The following DPP7 variants were observed in gnomAD, a reference collection of about 807,000 sequenced individuals.
DPP7 encodes dipeptidyl peptidase 7.
In DPP7, 74 loss-of-function variants were observed where a neutral mutation model predicts 58.8. The ratio of observed to expected loss-of-function variants is 1.26; its 90% CI spans 1.04 to 1.53. The LOEUF is 1.53. Ranked by LOEUF, DPP7 falls within the 40% of genes most tolerant of loss-of-function variation. The pLI, the probability that DPP7 is intolerant of heterozygous loss-of-function variation, is 0.00. For missense variants in DPP7, 807 were observed against 692.3 expected (o/e 1.17, Z -1.86); for synonymous variants, 350 against 303.6 (o/e 1.15, Z -1.59).
chr9:137,113,148 T>C, intron 6 of DPP7, 29 bp from the exon 7 acceptor site: 2 of 1,613,704 alleles, frequency 1.2e-6, no homozygotes, highest in South Asian at 1.1e-5. Context: ...GACTTGAAGT[T>C]TGGGCATAGC....
Position 137,110,654 on chromosome 9 carries a change from G to A in DPP7, c.1473C>T (p.Ser491=). Residue 491 remains serine (S), a synonymous_variant, in exon 13 of 13, where the codon AGC becomes AGT. Transcript: ENST00000371579. The part of the protein sequence containing the change: ...QPALRGGPRL[S]L Reference sequence around the variant, plus strand: ...GACCCCTCCAGTCCTGTGCTCAGAGGCTGAGTCTGGGCCCCCCACGCAGAG... The same window carrying A: ...GACCCCTCCAGTCCTGTGCTCAGAGACTGAGTCTGGGCCCCCCACGCAGAG... 1 of 1,609,440 alleles carries A rather than the reference G, an allele frequency of 6.2e-7. No individual in the cohort carries two copies. Among genetic ancestry groups the A allele is most frequent in the Non-Finnish European group, 8.5e-7 (1 of 1,179,876 alleles).
At position 137,114,367 on chromosome 9, in the gene DPP7, C is replaced by G; in HGVS notation, c.197G>C (p.Arg66Pro). Residue 66 changes from arginine (R) to proline (P), a missense_variant, in exon 3 of 13, where the codon CGG becomes CCG. Transcript: ENST00000371579. ...RFLVSDRFWV[R>P]GEGPIFFYTG... ...GTAGAAGAAGATGGGCCCCTCGCCC[C>G]GGACCCAGAACCTGTCTGTGGGGAG... 4 of 1,603,610 alleles carry G rather than the reference C, an allele frequency of 2.5e-6. No individual in the cohort carries two copies. Among genetic ancestry groups the G allele is most frequent in the Non-Finnish European group, 3.4e-6 (4 of 1,176,162 alleles).
rs1478175467 is a variant in DPP7, at chr9:137,113,027, A to G, written c.796T>C (p.Phe266Leu). Residue 266 changes from phenylalanine (F) to leucine (L), a missense_variant, in exon 7 of 13, where the codon TTC becomes CTC. By Grantham distance (22) the Phe-to-Leu change is conservative. Coordinates refer to ENST00000371579, the MANE Select transcript of DPP7 (RefSeq NM_013379.3). ...TAGTCCATCATGGCCAGCACGGTGA[A>G]GGCATTCCGGGCGAACATGAAGAGC... ...TQLFMFARNAFTVLAMMDYPY... is the reference protein window; with the variant it reads ...TQLFMFARNALTVLAMMDYPY... The G allele has an allele frequency of 2.7e-5, 43 of 1,613,684 alleles. No individual in the cohort carries two copies. Among genetic ancestry groups the G allele is most frequent in the Non-Finnish European group, 3.6e-5 (43 of 1,180,002 alleles).
chr9:137,111,819 G>T (rs1371385340), intron 10 of DPP7, 54 bp downstream of exon 10: 2 of 1,613,120 alleles, frequency 1.2e-6, no homozygotes, highest in Non-Finnish European at 1.7e-6. Context: ...TGGGCAGGGG[G>T]TGCAGAGCTC....
In DPP7 at chr9:137,112,039, C is replaced by T. The variant is rs10870180; in HGVS notation, c.1051-10G>A. ...TGATCTCGGTGCAGGCCTGCAGGTG[C>T]CCCAGCCTGAGTCAGGCCAGCCCAC... On this transcript the variant is annotated splice_polypyrimidine_tract_variant and intron_variant, in intron 9 of 12. Transcript: ENST00000371579. 0.33 allele frequency: 531,120 copies of T among 1,612,478 alleles called. 94,408 individuals are homozygous for T. Among genetic ancestry groups the T allele is most frequent in the Non-Finnish European group, 0.37 (437,903 of 1,179,442 alleles).
chr9:137,114,448 G>A lies in DPP7; in HGVS notation c.181+15C>T. The A allele has an allele frequency of 6.4e-7, 1 of 1,558,976 alleles. No homozygotes were observed. The highest frequency in any genetic ancestry group is 8.7e-7 in the Non-Finnish European group (1 of 1,152,332). ...CGGGACGGCGGGGGCGGCCGGGCCG[G>A]GGCCGGGGTCTCACCCGACACCAGG... On this transcript the variant is annotated intron_variant, in intron 2 of 12. Coordinates refer to ENST00000371579, the MANE Select transcript of DPP7 (RefSeq NM_013379.3).
At position 137,112,116 on chromosome 9, in the gene DPP7, T is replaced by TC; in HGVS notation, c.1045_1046insG (p.Tyr349Ter). The change falls in exon 9 of 13, where the codon TAC becomes TGAC. Residue 349 changes from tyrosine to a stop codon, truncating the protein, a stop_gained and frameshift_variant. Transcript: ENST00000371579. LOFTEE classifies it high-confidence loss of function. ...GTGPDARAWD[Y>*]QACTEINLTF... is the part of the protein sequence containing the mutation. ...AGGCCACCCACACCCCCACACCTGGTAGTCCCAGGCCCTGGCGTCGGGGCC... is the reference window on the plus strand; with the variant it reads ...AGGCCACCCACACCCCCACACCTGGTCAGTCCCAGGCCCTGGCGTCGGGGCC... The TC allele has an allele frequency of 1.2e-6, 2 of 1,611,574 alleles. No homozygotes were observed. The highest frequency in any genetic ancestry group is 1.7e-6 in the Non-Finnish European group (2 of 1,179,488).
At chr9:137,111,000 C>A in intron 11 of DPP7, 50 bp from the exon 12 acceptor site, 1 of 1,577,900 alleles carries the variant, frequency 6.3e-7, no homozygotes, top group South Asian at 1.1e-5. Flanking sequence ...GGCAACTGCC[C>A]AGCCTCCGTG....
At position 137,111,931 on chromosome 9, in the gene DPP7, C is replaced by T; in HGVS notation, c.1149G>A (p.Leu383=). ...FTDELRQRYC[L]DTWGVWPRPD... Reference sequence around the variant, plus strand: ...GCCGGGGCCACACGCCCCAGGTGTCCAGGCAGTACCGCTGGCGGAGCTCGT... The same window carrying T: ...GCCGGGGCCACACGCCCCAGGTGTCTAGGCAGTACCGCTGGCGGAGCTCGT... The change falls in exon 10 of 13, where the codon CTG becomes CTA. Residue 383 remains leucine (L), a synonymous_variant. Coordinates refer to ENST00000371579, the MANE Select transcript of DPP7 (RefSeq NM_013379.3). 16 of 1,613,092 alleles carry T rather than the reference C, an allele frequency of 9.9e-6. No individual in the cohort carries two copies. The highest frequency in any genetic ancestry group is 1.3e-5 in the Non-Finnish European group (15 of 1,179,582).
At chr9:137,115,765 C>T (rs561498138), upstream of DPP7, among the ~76,000 whole-genome samples, 6 of 152,252 alleles carry the variant, frequency 3.9e-5, no homozygotes, top group East Asian at 1.2e-3. Context: ...ACCATCACGT[C>T]ACACTGCAAC....
At chr9:137,116,478 A>C (rs1036205795), upstream of DPP7, among the ~76,000 whole-genome samples, 3 of 152,262 alleles carry the variant, frequency 2.0e-5, no homozygotes, top group African/African-American at 7.2e-5. Context: ...ATGTGTTTGC[A>C]GGCAGTATGC....
At chr9:137,115,865 C>T (rs1410407231), upstream of DPP7, among the ~76,000 whole-genome samples, 4 of 152,292 alleles carry the variant, frequency 2.6e-5, no homozygotes, top group South Asian at 2.1e-4. Context: ...GGGCTGCCTG[C>T]CGGGGCCCCC....
upstream of DPP7, among the ~76,000 whole-genome samples, chr9:137,117,529 G>A (rs1037097290): frequency 7.2e-5 from 11 of 152,148 alleles, no homozygotes; most frequent in Non-Finnish European, 1.5e-4. Flanking sequence ...CCCTCCCCTC[G>A]AGGTCCATCT....
rs780017994 is a variant in DPP7, at chr9:137,112,017, T to A, written c.1063A>T (p.Ile355Phe). The change falls in exon 10 of 13, where the codon ATC becomes TTC. Residue 355 changes from isoleucine to phenylalanine, a missense_variant. Coordinates refer to ENST00000371579, the MANE Select transcript of DPP7 (RefSeq NM_013379.3). ...RAWDYQACTE[I>F]NLTFASNNVT... is the part of the protein sequence containing the mutation. ...TTGTTGCTGGCGAAGGTCAGGTTGA[T>A]CTCGGTGCAGGCCTGCAGGTGCCCC... The A allele has an allele frequency of 6.2e-7, 1 of 1,613,546 alleles. No homozygotes were observed. Among genetic ancestry groups the A allele is most frequent in the Non-Finnish European group, 8.5e-7 (1 of 1,179,806 alleles).
chr9:137,113,905 G>C lies in DPP7; in HGVS notation c.445C>G (p.Leu149Val), dbSNP rs1831503832. ...AELLRALRRD[L>V]GAQDAPAIAF... ...ATGGCGGGGGCATCCTGGGCCCCGA[G>C]GTCGCGTCGTAGCGCGCGGAGCAGC... The change falls in exon 4 of 13, where the codon CTC (leucine) becomes GTC (valine). Residue 149 changes from leucine (L) to valine (V), a missense_variant. Around this residue, in one of 3 missense-constraint regions of DPP7, gnomAD observed 624 missense variants for 531.2 expected, o/e 1.17. Coordinates refer to ENST00000371579, the MANE Select transcript of DPP7 (RefSeq NM_013379.3). 5.1e-6 allele frequency: 8 copies of C among 1,572,470 alleles called. No individual in the cohort carries two copies. Among genetic ancestry groups the C allele is most frequent in the Admixed American group, 1.7e-5 (1 of 57,746 alleles).
Position 137,113,483 on chromosome 9 carries a change from G to A in DPP7, c.499C>T (p.Leu167Phe), listed in dbSNP as rs1055700532. 4 of 1,579,558 alleles carry A rather than the reference G, an allele frequency of 2.5e-6. No homozygotes were observed. The highest frequency in any genetic ancestry group is 8.6e-7 in the Non-Finnish European group (1 of 1,160,996). Reference protein sequence around the residue: ...IAFGGSYGGMLSAYLRMKYPH... With the variant: ...IAFGGSYGGMFSAYLRMKYPH... ...TACTTCATCCTCAGGTAGGCACTGA[G>A]CATCCCCCCATAACTGGGTGAGGGA... is the stretch of plus-strand genomic sequence containing the variant. The change falls in exon 5 of 13, where the codon CTC becomes TTC. Residue 167 changes from leucine to phenylalanine, a missense_variant. Around this residue, in one of 3 missense-constraint regions of DPP7, gnomAD observed 624 missense variants for 531.2 expected, o/e 1.17. Coordinates refer to ENST00000371579, the MANE Select transcript of DPP7 (RefSeq NM_013379.3).
intron 4 of DPP7, 159 bp downstream of exon 4, chr9:137,113,706 G>A: frequency 2.1e-6 from 3 of 1,423,408 alleles, no homozygotes; most frequent in Non-Finnish European, 2.7e-6. Flanking sequence ...AGGACAGGTG[G>A]GAGGGCTTCC....
upstream of DPP7, among the ~76,000 whole-genome samples, chr9:137,117,016 G>A (rs951782141): frequency 1.6e-4 from 24 of 152,186 alleles, no homozygotes; most frequent in Non-Finnish European, 2.5e-4. Context: ...CTCTGCTGCC[G>A]CATTCCTCAT....
At chr9:137,115,301 C>T (rs190979763), upstream of DPP7, 516 of 152,548 alleles carry the variant, frequency 3.4e-3, no homozygotes, top group Non-Finnish European at 6.2e-3. Context: ...GCCACCTGCC[C>T]TTCCGACTGG....
Sources: allele counts gnomAD v4.1 joint callset (sites outside exome capture counted in the v4.1 genomes callset), GRCh38; gene constraint gnomAD v4.1.1; regional missense constraint gnomAD v4.1.1; transcripts MANE v1.5; gene names NCBI Gene and HGNC (gene_info 2026-07-23, HGNC 2026-07-21).